The following OR11H4 variants were observed in gnomAD, a reference collection of about 807,000 sequenced individuals.
OR11H4 encodes the protein olfactory receptor 11H4.
For synonymous variants in OR11H4, 162 were observed against 142.3 expected, an observed-to-expected ratio of 1.14 and a Z score of -0.98; for missense variants, 460 against 371.1, an observed-to-expected ratio of 1.24 and a Z score of -1.97.
Position 20,243,176 on chromosome 14 carries a change from G to T in OR11H4, c.355G>T (p.Ala119Ser). The change falls in exon 2 of 2, where the codon GCT (alanine) becomes TCT (serine). Residue 119 changes from alanine to serine, a missense_variant. Ala to Ser is a moderately conservative substitution (Grantham distance 99, BLOSUM62 1). Coordinates refer to ENST00000641082, the MANE Select transcript of OR11H4 (RefSeq NM_001004479.2). ...TTECLFLAVM[A>S]YDRYLAICHP... ...TGAATGTCTCTTTCTGGCAGTAATGGCTTATGATCGATACCTGGCCATCTG... is the reference window on the plus strand; with the variant it reads ...TGAATGTCTCTTTCTGGCAGTAATGTCTTATGATCGATACCTGGCCATCTG... The T allele has an allele frequency of 6.2e-7, 1 of 1,614,098 alleles. No homozygotes were observed. The highest frequency in any genetic ancestry group is 8.5e-7 in the Non-Finnish European group (1 of 1,180,030).
chr14:20,243,251 C>A lies in OR11H4; in HGVS notation c.430C>A (p.Leu144Met). Reference protein sequence around the residue: ...AIMTVRFCGKLVSFCWLIGFL... With the variant: ...AIMTVRFCGKMVSFCWLIGFL... ...CATGACTGTAAGGTTCTGTGGTAAG[C>A]TGGTGTCTTTCTGTTGGCTTATTGG... The change falls in exon 2 of 2, where the codon CTG becomes ATG. Residue 144 changes from leucine to methionine, a missense_variant. Physicochemically the swap from Leu to Met is conservative, Grantham distance 15. Transcript: ENST00000641082. The A allele has an allele frequency of 6.2e-7, 1 of 1,614,154 alleles. No homozygotes were observed. The highest frequency in any genetic ancestry group is 1.3e-5 in the African/African-American group (1 of 75,046).
chr14:20,243,063 T>C lies in OR11H4; in HGVS notation c.242T>C (p.Met81Thr), dbSNP rs772706499. 1 of 1,614,182 alleles carries C rather than the reference T, an allele frequency of 6.2e-7. No individual in the cohort carries two copies. The highest frequency in any genetic ancestry group is 1.7e-5 in the Admixed American group (1 of 60,012). Residue 81 changes from methionine to threonine, a missense_variant, in exon 2 of 2, where the codon ATG becomes ACG. Transcript: ENST00000641082. ...IWYVSSTIPN[M>T]LVNILSKTKA... ...TATGTGTCCTCCACTATTCCTAACA[T>C]GCTAGTCAACATTCTCTCCAAGACC...
chr14:20,241,907 A>G lies in OR11H4; in HGVS notation c.-11-904A>G, dbSNP rs531293434. On this transcript the variant is annotated intron_variant, in intron 1 of 1. Coordinates refer to ENST00000641082, the MANE Select transcript of OR11H4 (RefSeq NM_001004479.2). ...GTAGGCCAGATATATAGTTCTCTCC[A>G]CCCAAGTATCTCAGTGAAGTAAAGA... is the stretch of plus-strand genomic sequence containing the variant. 1.3e-3 allele frequency among the ~76,000 whole-genome samples: 203 copies of G among 152,082 alleles called. 4 individuals carry two copies. In the South Asian group the frequency reaches 0.025, roughly 19 times the overall value.
Position 20,243,092 on chromosome 14 carries a change from G to A in OR11H4, c.271G>A (p.Ala91Thr), listed in dbSNP as rs1187641750. 1 of 1,614,066 alleles carries A rather than the reference G, an allele frequency of 6.2e-7. No homozygotes were observed. The highest frequency in any genetic ancestry group is 2.2e-5 in the East Asian group (1 of 44,884). Residue 91 changes from alanine to threonine, a missense_variant, in exon 2 of 2, where the codon GCC (alanine) becomes ACC (threonine). Physicochemically the swap from Ala to Thr is moderately conservative, Grantham distance 58. Coordinates refer to ENST00000641082, the MANE Select transcript of OR11H4 (RefSeq NM_001004479.2). ...AGTCAACATTCTCTCCAAGACCAAG[G>A]CCATCTCATTTTCTGGGTGCTTCCT... Reference protein sequence around the residue: ...MLVNILSKTKAISFSGCFLQF... With the variant: ...MLVNILSKTKTISFSGCFLQF...
At chr14:20,242,021 G>A (rs545727384) in intron 1 of OR11H4, among the ~76,000 whole-genome samples, 17 of 152,054 alleles carry the variant, frequency 1.1e-4, no homozygotes, top group East Asian at 3.9e-4. Flanking sequence ...ATGTACAATC[G>A]GGTTTTATAC....
At position 20,243,264 on chromosome 14, in the gene OR11H4, G is replaced by T. The variant is rs1273873668; in HGVS notation, c.443G>T (p.Cys148Phe). 6.2e-7 allele frequency: 1 copy of T among 1,614,014 alleles called. No individual in the cohort carries two copies. Among genetic ancestry groups the T allele is most frequent in the African/African-American group, 1.3e-5 (1 of 74,892 alleles). Residue 148 changes from cysteine to phenylalanine, a missense_variant, in exon 2 of 2, where the codon TGT becomes TTT. Physicochemically the swap from Cys to Phe is radical, Grantham distance 205. Transcript: ENST00000641082. ...VRFCGKLVSF[C>F]WLIGFLGYPI... ...TTCTGTGGTAAGCTGGTGTCTTTCT[G>T]TTGGCTTATTGGATTCCTTGGATAC...
intron 1 of OR11H4, among the ~76,000 whole-genome samples, chr14:20,242,016 C>T (rs1013281651): frequency 5.9e-5 from 9 of 152,130 alleles, no homozygotes; most frequent in African/African-American, 2.2e-4. Flanking sequence ...AACAAATGTA[C>T]AATCGGGTTT....
At position 20,243,419 on chromosome 14, in the gene OR11H4, T is replaced by C. The variant is rs1880985786; in HGVS notation, c.598T>C (p.Tyr200His). 3 of 1,613,874 alleles carry C rather than the reference T, an allele frequency of 1.9e-6. No individual in the cohort carries two copies. Among genetic ancestry groups the C allele is most frequent in the Non-Finnish European group, 1.7e-6 (2 of 1,179,916 alleles). ...APAPITECIFYTQSSLVLFFT... is the reference protein window; with the variant it reads ...APAPITECIFHTQSSLVLFFT... ...AGCTCCCATAACTGAATGTATTTTC[T>C]ATACTCAGAGCTCCCTTGTCCTCTT... Residue 200 changes from tyrosine to histidine, a missense_variant, in exon 2 of 2, where the codon TAT becomes CAT. Coordinates refer to ENST00000641082, the MANE Select transcript of OR11H4 (RefSeq NM_001004479.2).
chr14:20,242,297 AATGGCGATGACTTTTACCAAGTAT>A (rs1880950939), intron 1 of OR11H4, among the ~76,000 whole-genome samples: 1 of 152,102 alleles, frequency 6.6e-6, no homozygotes, highest in Admixed American at 6.6e-5. Flanking sequence ...GAGACTAGAG[AATGGCGATGACTTTTACCAAGTAT>A]ACTGCTTGTA....
intron 1 of OR11H4, among the ~76,000 whole-genome samples, chr14:20,241,960 G>C (rs1880936771): frequency 6.6e-6 from 1 of 152,038 alleles, no homozygotes; most frequent in East Asian, 1.9e-4. Flanking sequence ...CTGCCAACAT[G>C]TCTCGCTTCC....
In OR11H4 at chr14:20,242,978, C is replaced by G. The variant is rs1158067796; in HGVS notation, c.157C>G (p.Pro53Ala). ...CATCATCTATGCAGTGAGATGCAAC[C>G]CACTACTACACACCCCCATGTACTT... is the stretch of plus-strand genomic sequence containing the variant. ...GAIIYAVRCNPLLHTPMYFLL... is the reference protein window; with the variant it reads ...GAIIYAVRCNALLHTPMYFLL... The change falls in exon 2 of 2, where the codon CCA (proline) becomes GCA (alanine). Residue 53 changes from proline (P) to alanine (A), a missense_variant. Transcript: ENST00000641082. 1 of 1,613,920 alleles carries G rather than the reference C, an allele frequency of 6.2e-7. No homozygotes were observed. The highest frequency in any genetic ancestry group is 8.5e-7 in the Non-Finnish European group (1 of 1,179,890).
At chr14:20,240,682 A>G (rs1182317335) in intron 1 of OR11H4, among the ~76,000 whole-genome samples, 1 of 150,988 alleles carries the variant, frequency 6.6e-6, no homozygotes, top group Admixed American at 6.6e-5. Flanking sequence ...AGTTCAAGCA[A>G]TTCTTCTGCT....
chr14:20,241,170 T>C (rs955590169), intron 1 of OR11H4, among the ~76,000 whole-genome samples: 2 of 152,210 alleles, frequency 1.3e-5, no homozygotes, highest in Non-Finnish European at 2.9e-5. Flanking sequence ...AATTTTTGTA[T>C]AGAAAACATC....
rs551811337 is a variant in OR11H4 at position 20,243,649 on chromosome 14, G to C, written c.828G>C (p.Leu276=). Residue 276 remains leucine, a synonymous_variant, in exon 2 of 2, where the codon CTG becomes CTC. Coordinates refer to ENST00000641082, the MANE Select transcript of OR11H4 (RefSeq NM_001004479.2). ...IPTLLQKILT[L]VYSVTTPLFN... The stretch of plus-strand genomic sequence containing the variant: ...CTTTATTGCAGAAGATCCTCACACT[G>C]GTATATTCAGTAACGACTCCTCTTT... The C allele has an allele frequency of 1.4e-5, 23 of 1,613,912 alleles. No individual in the cohort carries two copies. The South Asian group carries it at 2.3e-4, about 16-fold the overall frequency.
At position 20,243,619 on chromosome 14, in the gene OR11H4, C is replaced by A; in HGVS notation, c.798C>A (p.Ile266=). 1 of 1,614,014 alleles carries A rather than the reference C, an allele frequency of 6.2e-7. No individual in the cohort carries two copies. Among genetic ancestry groups the A allele is most frequent in the Non-Finnish European group, 8.5e-7 (1 of 1,179,966 alleles). The change falls in exon 2 of 2, where the codon ATC becomes ATA. Residue 266 remains isoleucine, a synonymous_variant. Coordinates refer to ENST00000641082, the MANE Select transcript of OR11H4 (RefSeq NM_001004479.2). ...TGTATGTAAGTCCTACATATGGGAT[C>A]CCAACTTTATTGCAGAAGATCCTCA... ...MVMYVSPTYG[I]PTLLQKILTL...
Position 20,243,657 on chromosome 14 carries a change from C to T in OR11H4, c.836C>T (p.Ser279Leu). The T allele has an allele frequency of 6.2e-7, 1 of 1,614,008 alleles. No individual in the cohort carries two copies. Among genetic ancestry groups the T allele is most frequent in the Non-Finnish European group, 8.5e-7 (1 of 1,179,928 alleles). Residue 279 changes from serine to leucine, a missense_variant, in exon 2 of 2, where the codon TCA becomes TTA. Physicochemically the swap from Ser to Leu is moderately radical, Grantham distance 145 (BLOSUM62 -2). Transcript: ENST00000641082. ...CAGAAGATCCTCACACTGGTATATT[C>T]AGTAACGACTCCTCTTTTTAATCCT... ...LLQKILTLVY[S>L]VTTPLFNPLI...
chr14:20,242,794 GTCTT>G lies in OR11H4; in HGVS notation c.-11-12_-11-9del. 2 of 1,610,204 alleles carry G rather than the reference GTCTT, an allele frequency of 1.2e-6. No homozygotes were observed. Among genetic ancestry groups the G allele is most frequent in the Non-Finnish European group, 1.7e-6 (2 of 1,177,914 alleles). On this transcript the variant is annotated splice_polypyrimidine_tract_variant and intron_variant, in intron 1 of 1. Coordinates refer to ENST00000641082, the MANE Select transcript of OR11H4 (RefSeq NM_001004479.2). Reference sequence around the variant, plus strand: ...TCCAAGAGACTTGGATTACACTCATGTCTTTCTTCTTTGTAGACTTAAGACCCAT... The same window carrying G: ...TCCAAGAGACTTGGATTACACTCATGTCTTCTTTGTAGACTTAAGACCCAT...
chr14:20,242,560 G>C (rs1258236631), intron 1 of OR11H4, among the ~76,000 whole-genome samples: 2 of 152,060 alleles, frequency 1.3e-5, no homozygotes, highest in African/African-American at 4.8e-5. Context: ...GTGACAGTCT[G>C]ATCTCTCTTT....
Position 20,243,370 on chromosome 14 carries a change from A to G in OR11H4, c.549A>G (p.Pro183=). The G allele has an allele frequency of 6.2e-7, 1 of 1,614,112 alleles. No homozygotes were observed. The highest frequency in any genetic ancestry group is 1.7e-5 in the Admixed American group (1 of 60,004). The stretch of plus-strand genomic sequence containing the variant: ...ATCACTTCCTGTGTGACATGGACCC[A>G]TTGATGGCTCTATCCTGTGCCCCAG... ...IIDHFLCDMD[P]LMALSCAPAP... Residue 183 remains proline, a synonymous_variant, in exon 2 of 2, where the codon CCA becomes CCG. Coordinates refer to ENST00000641082, the MANE Select transcript of OR11H4 (RefSeq NM_001004479.2).
Sources: gnomAD v4.1 joint callset for allele counts (sites outside exome capture counted in the v4.1 genomes callset) on GRCh38, gnomAD v4.1.1 for gene constraint, MANE v1.5 for transcripts, NCBI Gene and HGNC (gene_info 2026-07-23, HGNC 2026-07-21) for gene names.